Variants in ADGRA2 observed in about 807,000 individuals in gnomAD.
The protein encoded by ADGRA2 is adhesion G protein-coupled receptor A2, also known as G-protein coupled receptor 124.
ADGRA2 carries 61 observed loss-of-function variants against 98.7 expected under a neutral mutation model. That is an observed-to-expected ratio of 0.62 (90% CI 0.50 to 0.76). The LOEUF (loss-of-function observed/expected upper bound fraction) is 0.76. Among genes scored for constraint, ADGRA2 ranks in the 30% least tolerant of loss-of-function variants. The probability of loss-of-function intolerance (pLI) is 0.00; values close to 1 mark genes in which losing one functional copy is unlikely to be tolerated. For missense variants in ADGRA2, 1,712 were observed against 1,860.0 expected, an observed-to-expected ratio of 0.92 and a Z score of 1.46; for synonymous variants, 858 against 831.5, an observed-to-expected ratio of 1.03 and a Z score of -0.55.
intron 2 of ADGRA2, among the ~76,000 whole-genome samples, chr8:37,815,658 G>A (rs372574744): frequency 6.6e-6 from 1 of 152,240 alleles, no homozygotes; most frequent in South Asian, 2.1e-4. Flanking sequence ...GGATGCAGAA[G>A]CCCTGCCCTC....
In ADGRA2 at chr8:37,837,867, C is replaced by T. The variant is rs1163155301; in HGVS notation, c.2187C>T (p.Cys729=). The change falls in exon 14 of 19, where the codon TGC becomes TGT. Residue 729 remains cysteine (C), a synonymous_variant. Coordinates refer to ENST00000412232, the MANE Select transcript of ADGRA2 (RefSeq NM_032777.10). ...GEAGGWTSEG[C]QLRSSQPNVS... ...CTGGGGGCTGGACCTCGGAGGGCTG[C>T]CAGCTCCGCTCCAGCCAGCCCAATG... 6.7e-7 allele frequency: 1 copy of T among 1,502,760 alleles called. No individual in the cohort carries two copies. The highest frequency in any genetic ancestry group is 2.2e-5 in the Admixed American group (1 of 44,808). The allele number at this position is 1,502,760 out of a possible 1,614,324, so 93.1% of individuals were successfully genotyped here. A position where few individuals can be genotyped will look rare whatever the true frequency, so the allele number is the denominator to read the frequency against.
intron 2 of ADGRA2, among the ~76,000 whole-genome samples, chr8:37,819,592 G>A (rs989464006): frequency 1.3e-5 from 2 of 152,090 alleles, no homozygotes; most frequent in African/African-American, 2.4e-5. Flanking sequence ...GGATGGTCTC[G>A]ATCTCTTCAC....
intron 1 of ADGRA2, among the ~76,000 whole-genome samples, chr8:37,812,044 G>A (rs1804846011): frequency 6.6e-6 from 1 of 152,014 alleles, no homozygotes; most frequent in Non-Finnish European, 1.5e-5. Flanking sequence ...GGAGGTTGCA[G>A]TGAGCCGACA....
Position 37,820,910 on chromosome 8 carries a change from A to T in ADGRA2, c.338+5943A>T, listed in dbSNP as rs371894848. 2.3e-3 allele frequency among the ~76,000 whole-genome samples: 347 copies of T among 150,618 alleles called. 1 individual carries two copies. Among genetic ancestry groups the T allele is most frequent in the African/African-American group, 8.2e-3 (335 of 40,776 alleles). On this transcript the variant is annotated intron_variant, in intron 2 of 18. Transcript: ENST00000412232. ...CAGTGGGAATGTGTCAGAGATGATC[A>T]TCCAGAGAGGTTGGGGGTAGGGGTG...
chr8:37,805,472 C>G (rs1013912057), intron 1 of ADGRA2, among the ~76,000 whole-genome samples: 5 of 152,158 alleles, frequency 3.3e-5, no homozygotes, highest in Non-Finnish European at 7.4e-5. Context: ...TGTGTTGGCC[C>G]TTCCCTGTAA....
At chr8:37,816,652 T>C (rs911060180) in intron 2 of ADGRA2, among the ~76,000 whole-genome samples, 10 of 135,062 alleles carry the variant, frequency 7.4e-5, no homozygotes, top group African/African-American at 2.9e-4. Context: ...GTGCAGTGGC[T>C]CGTGCCCATA....
At chr8:37,825,621 C>T (rs1339644467) in intron 2 of ADGRA2, among the ~76,000 whole-genome samples, 6 of 151,968 alleles carry the variant, frequency 3.9e-5, no homozygotes, top group African/African-American at 1.2e-4. Context: ...GAGTTTTTCT[C>T]GGGCAGAAGT....
intron 2 of ADGRA2, among the ~76,000 whole-genome samples, chr8:37,815,611 G>GAGGA (rs1191951416): frequency 6.6e-6 from 1 of 152,232 alleles, no homozygotes; most frequent in Admixed American, 6.5e-5. Context: ...GGTTATCGAG[G>GAGGA]AGGAGCTGGT....
chr8:37,809,377 C>T (rs547293895), intron 1 of ADGRA2, among the ~76,000 whole-genome samples: 30 of 151,994 alleles, frequency 2.0e-4, no homozygotes, highest in African/African-American at 7.2e-4. Context: ...AGACCCACCA[C>T]AAGGCACCCT....
rs150153046 is a variant in ADGRA2, at chr8:37,829,298, G to A, written c.448G>A (p.Glu150Lys). The change falls in exon 4 of 19, where the codon GAG (glutamate) becomes AAG (lysine). Residue 150 changes from glutamate to lysine, a missense_variant. Physicochemically the swap from Glu to Lys is moderately conservative, Grantham distance 56. Coordinates refer to ENST00000412232, the MANE Select transcript of ADGRA2 (RefSeq NM_032777.10). ...CAACCGGATTGGCTGTCTCACCTCCGAGACCTTCCAGGGCCTCCCCAGGCT... is the reference window on the plus strand; with the variant it reads ...CAACCGGATTGGCTGTCTCACCTCCAAGACCTTCCAGGGCCTCCCCAGGCT... ...SNNRIGCLTS[E>K]TFQGLPRLLR... The A allele has an allele frequency of 1.3e-4, 203 of 1,613,504 alleles. No individual in the cohort carries two copies. Among genetic ancestry groups the A allele is most frequent in the East Asian group, 3.8e-4 (17 of 44,854 alleles).
intron 1 of ADGRA2, among the ~76,000 whole-genome samples, chr8:37,812,801 C>T (rs1480414372): frequency 6.6e-6 from 1 of 151,782 alleles, no homozygotes; most frequent in South Asian, 2.1e-4. Context: ...TCCTGAGTAG[C>T]TGGGACTATA....
At chr8:37,827,455 C>A (rs1371844992) in intron 2 of ADGRA2, among the ~76,000 whole-genome samples, 3 of 152,220 alleles carry the variant, frequency 2.0e-5, no homozygotes, top group Admixed American at 6.5e-5. Flanking sequence ...GCCCCAGGGG[C>A]AGGTGAGGAA....
rs528346391 is a variant in ADGRA2, at chr8:37,802,010, G to A, written c.266+4476G>A. ...GCCTCCCATTCAGGGAAGCGGGGGT[G>A]CCCACCACGCAGGCTGCCCACCTAG... is the stretch of plus-strand genomic sequence containing the variant. On this transcript the variant is annotated intron_variant, in intron 1 of 18. Coordinates refer to ENST00000412232, the MANE Select transcript of ADGRA2 (RefSeq NM_032777.10). The surrounding 1 kb of genome is among the most constrained non-coding windows in gnomAD (Gnocchi z 4.7). Among the ~76,000 whole-genome samples, 21 of 152,356 alleles carry A rather than the reference G, an allele frequency of 1.4e-4. No homozygotes were observed. The East Asian group carries it at 3.7e-3, about 27-fold the overall frequency.
intron 2 of ADGRA2, among the ~76,000 whole-genome samples, chr8:37,817,033 T>G (rs1188433984): frequency 6.6e-6 from 1 of 150,730 alleles, no homozygotes; most frequent in Non-Finnish European, 1.5e-5. Flanking sequence ...AAAGAAGTGT[T>G]CACAGGTAAT....
At position 37,830,380 on chromosome 8, in the gene ADGRA2, TC is replaced by T. The variant is rs1563348045; in HGVS notation, c.719-326del. On this transcript the variant is annotated intron_variant, in intron 6 of 18. Coordinates refer to ENST00000412232, the MANE Select transcript of ADGRA2 (RefSeq NM_032777.10). This position sits in a 1 kb window ranked among gnomAD's most constrained non-coding sequence, Gnocchi z 4.8. ...TGTGCTGGGCGTGTCCTCCAGGGCA[TC>T]CCCTTTCCCTCGGTGTCCCGGGGTC... Among the ~76,000 whole-genome samples, 1 of 152,198 alleles carries T rather than the reference TC, an allele frequency of 6.6e-6. No individual in the cohort carries two copies. The highest frequency in any genetic ancestry group is 2.4e-5 in the African/African-American group (1 of 41,448).
At position 37,835,700 on chromosome 8, in the gene ADGRA2, C is replaced by G; in HGVS notation, c.1980C>G (p.Thr660=). 6.2e-7 allele frequency: 1 copy of G among 1,613,962 alleles called. No individual in the cohort carries two copies. The highest frequency in any genetic ancestry group is 8.5e-7 in the Non-Finnish European group (1 of 1,179,970). Residue 660 remains threonine (T), a synonymous_variant, in exon 13 of 19, where the codon ACC becomes ACG. Transcript: ENST00000412232. ...NGRLFHSHSN[T]SRPGAAGPGK... ...GCCTCTTCCACAGCCACAGCAACAC[C>G]TCCCGCCCTGGAGCTGCTGGGCCTG...
chr8:37,831,605 C>A lies in ADGRA2; in HGVS notation c.1097+18C>A, dbSNP rs1253811469. 1 of 1,610,036 alleles carries A rather than the reference C, an allele frequency of 6.2e-7. No individual in the cohort carries two copies. The highest frequency in any genetic ancestry group is 8.5e-7 in the Non-Finnish European group (1 of 1,177,386). ...GACTTCAGGTTTGGCCCACTCCACC[C>A]TGTAGAGGGCTGCCCAGCCCCCAAC... is the stretch of plus-strand genomic sequence containing the variant. On this transcript the variant is annotated intron_variant, in intron 8 of 18. Transcript: ENST00000412232.
chr8:37,801,381 C>T (rs1256821334), intron 1 of ADGRA2, among the ~76,000 whole-genome samples: 1 of 152,180 alleles, frequency 6.6e-6, no homozygotes, highest in East Asian at 1.9e-4. Flanking sequence ...TTGTGGGCCT[C>T]CCCCAGGGAA....
At position 37,797,057 on chromosome 8, in the gene ADGRA2, G is replaced by T; in HGVS notation, c.-212G>T. The T allele has an allele frequency of 4.8e-6, 1 of 209,284 alleles. No homozygotes were observed. Among genetic ancestry groups the T allele is most frequent in the Non-Finnish European group, 9.2e-6 (1 of 108,544 alleles). 13.0% of individuals were successfully genotyped at this position (209,284 alleles called of 1,614,324 possible). On this transcript the variant is annotated 5_prime_UTR_variant, in exon 1 of 19. Transcript: ENST00000412232. This position sits in a 1 kb window ranked among gnomAD's most constrained non-coding sequence, Gnocchi z 5.3. ...GGGAGCTGCCCGCGCTGCGCTGACAGCCGCGCCGACGTCCTCCCCGCCGGG... is the reference window on the plus strand; with the variant it reads ...GGGAGCTGCCCGCGCTGCGCTGACATCCGCGCCGACGTCCTCCCCGCCGGG...
Sources: allele counts gnomAD v4.1 joint callset (sites outside exome capture counted in the v4.1 genomes callset), GRCh38; gene constraint gnomAD v4.1.1; non-coding constraint Gnocchi (gnomAD v3.1); transcripts MANE v1.5; gene names NCBI Gene and HGNC (gene_info 2026-07-23, HGNC 2026-07-21).